The following POMT1 variants were observed in gnomAD, a reference collection of about 807,000 sequenced individuals.
POMT1 encodes protein O-mannosyltransferase 1.
POMT1 carries 85 observed loss-of-function variants against 101.6 expected under a neutral mutation model. The ratio of observed to expected loss-of-function variants is 0.84; its 90% confidence interval spans 0.70 to 1.00. The LOEUF (loss-of-function observed/expected upper bound fraction) is 1.00. Among genes scored for constraint, POMT1 ranks in the 50% least tolerant of loss-of-function variants. The pLI is 0.00. For missense variants in POMT1, 857 were observed against 930.4 expected (o/e 0.92, Z 1.03); for synonymous variants, 371 against 383.0 (o/e 0.97, Z 0.37).
Position 131,519,014 on chromosome 9 carries a change from T to G in POMT1, c.1486+57T>G. The stretch of plus-strand genomic sequence containing the variant: ...GGAATGTACTTTCAGCTGCTCAATA[T>G]TTGATAACACCCCAGAGTTCTCATT... On this transcript the variant is annotated intron_variant, in intron 15 of 19. Coordinates refer to ENST00000402686, the MANE Select transcript of POMT1 (RefSeq NM_001077365.2). The surrounding 1 kb of genome is among the most constrained non-coding windows in gnomAD (Gnocchi z 4.3). 6.2e-7 allele frequency: 1 copy of G among 1,609,292 alleles called. No homozygotes were observed. Among genetic ancestry groups the G allele is most frequent in the Non-Finnish European group, 8.5e-7 (1 of 1,179,662 alleles).
At position 131,511,928 on chromosome 9, in the gene POMT1, C is replaced by G. The variant is rs10901068; in HGVS notation, c.987-113C>G. ...GTCTCACTATGTTGCCCAGGCTGGT[C>G]TCAAACTCCTGGGCTCAAGCAGTTA... On this transcript the variant is annotated intron_variant, in intron 10 of 19. Coordinates refer to ENST00000402686, the MANE Select transcript of POMT1 (RefSeq NM_001077365.2). The G allele has an allele frequency of 0.93, 1,032,067 of 1,103,864 alleles. 484,337 individuals are homozygous for G. The highest frequency in any genetic ancestry group is 0.97 in the South Asian group (74,238 of 76,508). 68.4% of individuals were successfully genotyped at this position (1,103,864 alleles called of 1,614,324 possible).
chr9:131,516,752 T>G (rs1225264263), intron 13 of POMT1: 1 of 152,324 alleles, frequency 6.6e-6, no homozygotes, highest in Non-Finnish European at 1.5e-5. Context: ...GTGAAAGTTC[T>G]CCCAACCTGT....
rs1406945781 is a variant in POMT1 at position 131,523,159 on chromosome 9, G to A, written c.*53G>A. 1 of 1,585,820 alleles carries A rather than the reference G, an allele frequency of 6.3e-7. No individual in the cohort carries two copies. The highest frequency in any genetic ancestry group is 8.6e-7 in the Non-Finnish European group (1 of 1,168,292). On this transcript the variant is annotated 3_prime_UTR_variant, in exon 20 of 20. Coordinates refer to ENST00000402686, the MANE Select transcript of POMT1 (RefSeq NM_001077365.2). ...GCTGGGGTCGGGATGAGGTTGAAGGGTCTTGGTCAATGTACGTAATGAGCA... is the reference window on the plus strand; with the variant it reads ...GCTGGGGTCGGGATGAGGTTGAAGGATCTTGGTCAATGTACGTAATGAGCA...
intron 12 of POMT1, among the ~76,000 whole-genome samples, chr9:131,513,980 C>T (rs1235468884): frequency 6.6e-6 from 1 of 152,230 alleles, no homozygotes; most frequent in Non-Finnish European, 1.5e-5. Context: ...CAGCTCTCCA[C>T]GACTCCCAGC....
rs774093120 is a variant in POMT1, at chr9:131,522,256, G to A, written c.2003+32G>A. On this transcript the variant is annotated intron_variant, in intron 19 of 19. Transcript: ENST00000402686. The surrounding 1 kb of genome is among the most constrained non-coding windows in gnomAD (Gnocchi z 5.5). ...GGGCTGCGGAGACAGTGGCTGGACC[G>A]GGCAGCAGCCCTCTGCTGGGAAGCC... The A allele has an allele frequency of 7.5e-6, 12 of 1,610,236 alleles. No individual in the cohort carries two copies. The highest frequency in any genetic ancestry group is 1.7e-5 in the Admixed American group (1 of 60,014).
intron 4 of POMT1, chr9:131,506,778 G>A (rs1314383944): frequency 2.6e-6 from 1 of 387,764 alleles, no homozygotes; most frequent in African/African-American, 2.1e-5. Context: ...TTTGAAAATA[G>A]GGAGGGTAGG....
rs184131819 is a variant in POMT1, at chr9:131,520,203, C to A, written c.1698+10C>A. 8.0e-5 allele frequency: 127 copies of A among 1,595,554 alleles called. 1 individual carries two copies. The East Asian group carries it at 2.1e-3, about 26-fold the overall frequency. On this transcript the variant is annotated intron_variant, in intron 17 of 19. Transcript: ENST00000402686. Reference sequence around the variant, plus strand: ...GCACCCCAGGACCAGCGTAAGCGAGCGATGCTGACAGCTGACAGTCATAGA... The same window carrying A: ...GCACCCCAGGACCAGCGTAAGCGAGAGATGCTGACAGCTGACAGTCATAGA...
chr9:131,510,574 C>A, intron 9 of POMT1, 159 bp downstream of exon 9: 1 of 1,037,098 alleles, frequency 9.6e-7, no homozygotes, highest in Non-Finnish European at 1.4e-6. Context: ...GAGTCTTACT[C>A]TGTCACCCAA....
At position 131,522,673 on chromosome 9, in the gene POMT1, G is replaced by A. The variant is rs374707014; in HGVS notation, c.2004-259G>A. 9 of 582,146 alleles carry A rather than the reference G, an allele frequency of 1.5e-5. No individual in the cohort carries two copies. The highest frequency in any genetic ancestry group is 9.9e-5 in the South Asian group (5 of 50,276). 36.1% of individuals were successfully genotyped at this position (582,146 alleles called of 1,614,324 possible). On this transcript the variant is annotated intron_variant, in intron 19 of 19. Coordinates refer to ENST00000402686, the MANE Select transcript of POMT1 (RefSeq NM_001077365.2). The surrounding 1 kb of genome is among the most constrained non-coding windows in gnomAD (Gnocchi z 5.5). Reference sequence around the variant, plus strand: ...TCAGGAAGCCACACAAGGGAGGACCGTGGGTTTGGGACCAGTCCTCTGGCA... The same window carrying A: ...TCAGGAAGCCACACAAGGGAGGACCATGGGTTTGGGACCAGTCCTCTGGCA...
At chr9:131,506,048 TCA>T (rs1184061116) in intron 2 of POMT1, 64 bp from the exon 3 acceptor site, 1 of 1,600,540 alleles carries the variant, frequency 6.2e-7, no homozygotes, top group Non-Finnish European at 8.5e-7. Flanking sequence ...ACATTTATCC[TCA>T]CAGTTTTTGT....
intron 13 of POMT1, 117 bp downstream of exon 13, chr9:131,515,639 C>A (rs982496310): frequency 7.5e-6 from 7 of 931,912 alleles, no homozygotes; most frequent in African/African-American, 3.3e-5. Context: ...CAGAACACTT[C>A]ATCACACGGA....
Position 131,520,194 on chromosome 9 carries a change from G to GT in POMT1, c.1698+2dup, listed in dbSNP as rs756555783. The GT allele has an allele frequency of 5.6e-6, 9 of 1,609,372 alleles. No homozygotes were observed. Among genetic ancestry groups the GT allele is most frequent in the Non-Finnish European group, 2.6e-6 (3 of 1,176,318 alleles). Reference sequence around the variant, plus strand: ...CTACTGGCTGCACCCCAGGACCAGCGTAAGCGAGCGATGCTGACAGCTGAC... The same window carrying GT: ...CTACTGGCTGCACCCCAGGACCAGCGTTAAGCGAGCGATGCTGACAGCTGAC... On this transcript the variant is annotated splice_donor_variant, in intron 17 of 19. Transcript: ENST00000402686. LOFTEE classifies it high-confidence loss of function.
Position 131,508,446 on chromosome 9 carries a change from G to A in POMT1, c.428-465G>A, listed in dbSNP as rs556088466. Among the ~76,000 whole-genome samples the A allele has an allele frequency of 2.6e-4, 40 of 152,088 alleles. No homozygotes were observed. In the South Asian group the frequency reaches 3.9e-3, roughly 15 times the overall value. ...CTCAGGAGGCTGAGGCAGGAGAATC[G>A]CTTGAACCCGGGAGGCGGAGGTTGC... On this transcript the variant is annotated intron_variant, in intron 5 of 19. Transcript: ENST00000402686.
chr9:131,511,029 G>T, intron 9 of POMT1: 1 of 318,130 alleles, frequency 3.1e-6, no homozygotes, highest in Non-Finnish European at 5.9e-6. Flanking sequence ...CCTAGTCTTG[G>T]TTTTCTCATC....
At chr9:131,517,537 C>T (rs1306288254) in intron 13 of POMT1, among the ~76,000 whole-genome samples, 1 of 152,204 alleles carries the variant, frequency 6.6e-6, no homozygotes, top group South Asian at 2.1e-4. Context: ...CTCAGCCTCC[C>T]AGAGTCGCTG....
rs1564378430 is a variant in POMT1 at position 131,518,891 on chromosome 9, G to T, written c.1420G>T (p.Glu474Ter). 1 of 1,613,998 alleles carries T rather than the reference G, an allele frequency of 6.2e-7. No homozygotes were observed. The highest frequency in any genetic ancestry group is 8.5e-7 in the Non-Finnish European group (1 of 1,180,050). The change falls in exon 15 of 20, where the codon GAG (glutamate) becomes TAG (stop). Residue 474 changes from glutamate to a stop codon, truncating the protein, a stop_gained. Coordinates refer to ENST00000402686, the MANE Select transcript of POMT1 (RefSeq NM_001077365.2). LOFTEE classifies it high-confidence loss of function. The stretch of plus-strand genomic sequence containing the variant: ...GTATCGGCAACTGGAGATCGTCGGG[G>T]AGAAGCTGTCCCGGGGCTACCACGG... ...WGYRQLEIVG[E>*]KLSRGYHGST...
rs1022144837 is a variant in POMT1 at position 131,503,515 on chromosome 9, G to A, written c.-31+442G>A. Among the ~76,000 whole-genome samples the A allele has an allele frequency of 6.6e-6, 1 of 152,210 alleles. No individual in the cohort carries two copies. Among genetic ancestry groups the A allele is most frequent in the Non-Finnish European group, 1.5e-5 (1 of 68,042 alleles). ...GAAGGGCGCGTCCAGGGTAGATGGG[G>A]CCTGAGGAGACCAGCGGGGCGCCAA... On this transcript the variant is annotated intron_variant, in intron 1 of 19. Coordinates refer to ENST00000402686, the MANE Select transcript of POMT1 (RefSeq NM_001077365.2). This position sits in a 1 kb window ranked among gnomAD's most constrained non-coding sequence, Gnocchi z 4.4.
At chr9:131,511,569 G>A in intron 10 of POMT1, 102 bp downstream of exon 10, 1 of 1,523,700 alleles carries the variant, frequency 6.6e-7, no homozygotes, top group Non-Finnish European at 9.0e-7. Context: ...TTTGTTTGCA[G>A]GACAGAAAGA....
At chr9:131,517,176 A>C (rs1948872182) in intron 13 of POMT1, among the ~76,000 whole-genome samples, 1 of 151,374 alleles carries the variant, frequency 6.6e-6, no homozygotes, top group African/African-American at 2.4e-5. Context: ...CGCTTGACAG[A>C]GTTAGCACCA....
Sources: allele counts gnomAD v4.1 joint callset (sites outside exome capture counted in the v4.1 genomes callset), GRCh38; gene constraint gnomAD v4.1.1; non-coding constraint Gnocchi (gnomAD v3.1); transcripts MANE v1.5; gene names NCBI Gene and HGNC (gene_info 2026-07-23, HGNC 2026-07-21).